Variants in VSX1 observed in about 807,000 individuals in gnomAD.
VSX1 encodes homeodomain protein RINX.
A neutral mutation model predicts 23.6 loss-of-function variants in VSX1; 23 were observed. The ratio of observed to expected loss-of-function variants is 0.97; its 90% CI spans 0.70 to 1.38. The LOEUF (loss-of-function observed/expected upper bound fraction) is 1.38, where lower values mean the gene tolerates loss of function less well. Ranked by LOEUF, VSX1 falls within the 40% of genes most tolerant of loss-of-function variation. The probability of loss-of-function intolerance (pLI) is 0.00; values close to 1 mark genes in which losing one functional copy is unlikely to be tolerated. For missense variants in VSX1, 517 were observed against 495.4 expected, an observed-to-expected ratio of 1.04 and a Z score of -0.41; for synonymous variants, 247 against 215.1, an observed-to-expected ratio of 1.15 and a Z score of -1.30.
intron 3 of VSX1, chr20:25,078,584 C>A: frequency 3.9e-6 from 5 of 1,282,418 alleles, no homozygotes; most frequent in Middle Eastern, 3.0e-4. Flanking sequence ...TTTATAGTTT[C>A]TAGTTGCAGC....
At chr20:25,073,746 C>T (rs2089430049), downstream of VSX1, among the ~76,000 whole-genome samples, 1 of 152,186 alleles carries the variant, frequency 6.6e-6, no homozygotes, top group Non-Finnish European at 1.5e-5. Context: ...GTCTGAACTT[C>T]AGGAACCTCC....
chr20:25,073,971 A>T (rs145218002), downstream of VSX1, among the ~76,000 whole-genome samples: 473 of 152,254 alleles, frequency 3.1e-3, 3 homozygotes, highest in Non-Finnish European at 5.8e-3. Context: ...GTGTTCGTAG[A>T]GTTCTTCTTG....
intron 2 of VSX1, 133 bp downstream of exon 2, chr20:25,079,303 C>G (rs2089586979): frequency 1.1e-6 from 1 of 875,072 alleles, no homozygotes; most frequent in Admixed American, 2.8e-5. Context: ...GGCTTCTGTG[C>G]CCTTCCCATT....
At chr20:25,077,966 C>G (rs1325399190) in intron 3 of VSX1, 101 bp from the exon 4 acceptor site, 6 of 1,396,460 alleles carry the variant, frequency 4.3e-6, no homozygotes, top group African/African-American at 1.4e-5. Flanking sequence ...TCTTCTCTCC[C>G]GAGCATGATC....
rs1302643155 is a variant in VSX1, at chr20:25,075,600, C to G, written c.*661G>C. On this transcript the variant is annotated 3_prime_UTR_variant, in exon 5 of 5. Transcript: ENST00000376709. ...TGAAAGACCAAAAGCCTGGTCTGAC[C>G]TAAAAACACTGTTTCCAGCTATCCA... 3 of 152,430 alleles carry G rather than the reference C, an allele frequency of 2.0e-5. No individual in the cohort carries two copies. The highest frequency in any genetic ancestry group is 4.4e-5 in the Non-Finnish European group (3 of 68,050). The allele number at this position is 152,430 out of a possible 1,614,324, so 9.4% of individuals were successfully genotyped here. A position where few individuals can be genotyped will look rare whatever the true frequency, so the allele number is the denominator to read the frequency against.
chr20:25,077,828 C>T lies in VSX1; in HGVS notation c.665G>A (p.Arg222Gln), dbSNP rs1183317272. ...FQNRRAKWRK[R>Q]EKRWGGSSVM... ...GCTGCTGCCGCCCCAGCGCTTCTCC[C>T]GCTTGCGCCATTTGGCCCTGCGGTT... Residue 222 changes from arginine to glutamine, a missense_variant, in exon 4 of 5, where the codon CGG becomes CAG. Arg to Gln is a conservative substitution (Grantham distance 43). Transcript: ENST00000376709. 3 of 1,551,814 alleles carry T rather than the reference C, an allele frequency of 1.9e-6. No individual in the cohort carries two copies. The highest frequency in any genetic ancestry group is 1.4e-5 in the African/African-American group (1 of 73,256).
chr20:25,074,287 A>G (rs1013659672), downstream of VSX1, among the ~76,000 whole-genome samples: 1 of 152,244 alleles, frequency 6.6e-6, no homozygotes, highest in Non-Finnish European at 1.5e-5. Context: ...TCACATGGCT[A>G]GAGTTGGCAA....
In VSX1 at chr20:25,082,121, G is replaced by A; in HGVS notation, c.-25C>T. 6.5e-7 allele frequency: 1 copy of A among 1,536,692 alleles called. No individual in the cohort carries two copies. Among genetic ancestry groups the A allele is most frequent in the Non-Finnish European group, 8.7e-7 (1 of 1,147,264 alleles). The stretch of plus-strand genomic sequence containing the variant: ...TGGTTCCTTAGCAAGCAAGGCGCGA[G>A]CCTCTCTGGATCCCGTTTGCGGAGG... On this transcript the variant is annotated 5_prime_UTR_variant, in exon 1 of 5. Coordinates refer to ENST00000376709, the MANE Select transcript of VSX1 (RefSeq NM_014588.6).
At chr20:25,071,849 A>G, downstream of VSX1, 2 of 715,638 alleles carry the variant, frequency 2.8e-6, no homozygotes, top group Middle Eastern at 2.4e-4. Context: ...GAAAATCGGC[A>G]TGCTTCCTGA....
At chr20:25,079,206 T>A (rs2089584545) in intron 2 of VSX1, among the ~76,000 whole-genome samples, 1 of 152,166 alleles carries the variant, frequency 6.6e-6, no homozygotes, top group African/African-American at 2.4e-5. Context: ...ATCCACAAAA[T>A]TGTCTTTAAA....
At chr20:25,077,658 C>T in intron 4 of VSX1, 27 bp downstream of exon 4, 2 of 1,542,110 alleles carry the variant, frequency 1.3e-6, no homozygotes, top group East Asian at 2.4e-5. Flanking sequence ...CACCTCGAGC[C>T]GTGCGATCCC....
chr20:25,078,758 T>C (rs2122883399), intron 3 of VSX1, 71 bp downstream of exon 3: 1 of 1,614,144 alleles, frequency 6.2e-7, no homozygotes, highest in East Asian at 2.2e-5. Context: ...GACTGCTGAT[T>C]GGCTCACTGA....
downstream of VSX1, among the ~76,000 whole-genome samples, chr20:25,073,479 CT>C (rs1163462770): frequency 6.6e-6 from 1 of 152,174 alleles, no homozygotes; most frequent in African/African-American, 2.4e-5. Context: ...ATTCCCCTTT[CT>C]TTCTTCTTTG....
intron 3 of VSX1, chr20:25,078,449 C>G: frequency 1.1e-6 from 1 of 929,550 alleles, no homozygotes; most frequent in Non-Finnish European, 1.4e-6. Context: ...TATGCACATA[C>G]ATATTCAGGG....
At position 25,077,803 on chromosome 20, in the gene VSX1, G is replaced by C. The variant is rs146499972; in HGVS notation, c.690C>G (p.Ser230Arg). ...RKREKRWGGS[S>R]VMAEYGLYGA... ...CGTACAGCCCGTACTCGGCCATCAC[G>C]CTGCTGCCGCCCCAGCGCTTCTCCC... is the stretch of plus-strand genomic sequence containing the variant. Residue 230 changes from serine (S) to arginine (R), a missense_variant, in exon 4 of 5, where the codon AGC (serine) becomes AGG (arginine). By Grantham distance (110) the Ser-to-Arg change is moderately radical. Coordinates refer to ENST00000376709, the MANE Select transcript of VSX1 (RefSeq NM_014588.6). The C allele has an allele frequency of 1.3e-6, 2 of 1,551,210 alleles. No individual in the cohort carries two copies. The highest frequency in any genetic ancestry group is 2.7e-5 in the African/African-American group (2 of 73,076).
downstream of VSX1, chr20:25,071,143 AG>A (rs1438006630): frequency 1.5e-5 from 7 of 454,088 alleles, no homozygotes; most frequent in Admixed American, 4.7e-5. Flanking sequence ...AAGAGGAATC[AG>A]GGCAGAAAAG....
At chr20:25,081,562 C>A in intron 1 of VSX1, 111 bp downstream of exon 1, 1 of 1,511,964 alleles carries the variant, frequency 6.6e-7, no homozygotes, top group East Asian at 2.3e-5. Flanking sequence ...GGCTCCCCGC[C>A]TAGATCTGGG....
rs1173661362 is a variant in VSX1 at position 25,075,813 on chromosome 20, A to C, written c.*448T>G. The stretch of plus-strand genomic sequence containing the variant: ...AAGGTAAAGACAATATAATTCATTC[A>C]TGTGTCTGTATGGAGTCTTCACTAT... On this transcript the variant is annotated 3_prime_UTR_variant, in exon 5 of 5. Coordinates refer to ENST00000376709, the MANE Select transcript of VSX1 (RefSeq NM_014588.6). 5.9e-6 allele frequency: 1 copy of C among 168,474 alleles called. No individual in the cohort carries two copies. The highest frequency in any genetic ancestry group is 1.3e-5 in the Non-Finnish European group (1 of 77,810). 10.4% of individuals were successfully genotyped at this position (168,474 alleles called of 1,614,324 possible).
At chr20:25,077,582 A>C in intron 4 of VSX1, 103 bp downstream of exon 4, 1 of 1,359,620 alleles carries the variant, frequency 7.4e-7, no homozygotes. Flanking sequence ...CAGTAAACTG[A>C]CGTTGCTTTG....
Sources: allele counts gnomAD v4.1 joint callset (sites outside exome capture counted in the v4.1 genomes callset), GRCh38; gene constraint gnomAD v4.1.1; transcripts MANE v1.5; gene names NCBI Gene and HGNC (gene_info 2026-07-23, HGNC 2026-07-21).